MAML3: variants seen among roughly 807,000 people sequenced by gnomAD.
MAML3 encodes the protein mastermind like transcriptional coactivator 3.
A neutral mutation model predicts 101.9 loss-of-function variants in MAML3; 27 were observed. That is an observed-to-expected ratio of 0.27 (90% CI 0.20 to 0.37). The LOEUF (loss-of-function observed/expected upper bound fraction) is 0.37, where lower values mean the gene tolerates loss of function less well. Ranked by LOEUF, MAML3 falls within the 10% of genes least tolerant of loss-of-function variation. The pLI is 1.00. For missense variants in MAML3, 1,316 were observed against 1,444.9 expected (o/e 0.91, Z 1.45); for synonymous variants, 501 against 555.9 (o/e 0.90, Z 1.39).
At chr4:139,880,706 T>C (rs891583821) in intron 2 of MAML3, among the ~76,000 whole-genome samples, 1 of 152,188 alleles carries the variant, frequency 6.6e-6, no homozygotes, top group Non-Finnish European at 1.5e-5. Flanking sequence ...ACCCACTCTA[T>C]TGGAGCCAAA....
intron 1 of MAML3, among the ~76,000 whole-genome samples, chr4:140,114,257 C>T (rs1376054641): frequency 2.0e-5 from 3 of 152,306 alleles, no homozygotes; most frequent in Non-Finnish European, 2.9e-5. Context: ...TATCACATCA[C>T]GCTGTGGAAT....
chr4:140,085,730 A>T lies in MAML3; in HGVS notation c.468+67130T>A, dbSNP rs183439693. ...ATGCTTAACCCACGGGTACCTTTCA[A>T]TGTTCATGTATAATAAATACAGTTT... On this transcript the variant is annotated intron_variant, in intron 1 of 4. Transcript: ENST00000509479. 2.0e-3 allele frequency among the ~76,000 whole-genome samples: 304 copies of T among 152,294 alleles called. 2 individuals are homozygous for T. Among genetic ancestry groups the T allele is most frequent in the Middle Eastern group, 0.01 (3 of 294 alleles).
At chr4:139,995,044 C>T (rs946609128) in intron 1 of MAML3, among the ~76,000 whole-genome samples, 1 of 151,968 alleles carries the variant, frequency 6.6e-6, no homozygotes, top group Non-Finnish European at 1.5e-5. Context: ...TGTCCTTTAT[C>T]GGGATGAGGA....
intron 1 of MAML3, among the ~76,000 whole-genome samples, chr4:139,982,105 C>T (rs1046659451): frequency 3.3e-5 from 5 of 152,210 alleles, no homozygotes; most frequent in African/African-American, 7.2e-5. Context: ...AGATTCTACA[C>T]AAATTATTTG....
intron 1 of MAML3, among the ~76,000 whole-genome samples, chr4:139,973,424 AAAC>A (rs1734264868): frequency 1.3e-5 from 2 of 152,212 alleles, no homozygotes; most frequent in Non-Finnish European, 2.9e-5. Context: ...GCGAAGATTA[AAAC>A]ACTGGAAAGT....
intron 1 of MAML3, among the ~76,000 whole-genome samples, chr4:139,958,441 G>T (rs990539566): frequency 2.6e-5 from 4 of 152,184 alleles, no homozygotes; most frequent in African/African-American, 9.6e-5. Context: ...AGTCTAGCAG[G>T]AAAGATGAGA....
chr4:139,859,631 T>A (rs1294010693), intron 2 of MAML3, among the ~76,000 whole-genome samples: 1 of 152,184 alleles, frequency 6.6e-6, no homozygotes, highest in Admixed American at 6.5e-5. Flanking sequence ...ATCTACTAAG[T>A]GCTAGGAACT....
intron 1 of MAML3, among the ~76,000 whole-genome samples, chr4:139,960,502 C>T (rs934528430): frequency 1.3e-5 from 2 of 152,138 alleles, no homozygotes; most frequent in African/African-American, 2.4e-5. Flanking sequence ...CTGAGCCCAA[C>T]CTATGGAGAC....
At chr4:140,125,545 T>C (rs185187844) in intron 1 of MAML3, among the ~76,000 whole-genome samples, 252 of 152,384 alleles carry the variant, frequency 1.7e-3, no homozygotes, top group African/African-American at 5.5e-3. Flanking sequence ...GACACATATA[T>C]ACTTACTCAT....
intron 1 of MAML3, among the ~76,000 whole-genome samples, chr4:139,972,328 G>A (rs2082419062): frequency 6.6e-6 from 1 of 152,088 alleles, no homozygotes; most frequent in Admixed American, 6.6e-5. Flanking sequence ...CATTTCTAAG[G>A]TTTATTATAA....
intron 1 of MAML3, among the ~76,000 whole-genome samples, chr4:139,963,019 G>A (rs998193287): frequency 4.0e-5 from 6 of 151,806 alleles, no homozygotes; most frequent in Non-Finnish European, 5.9e-5. Context: ...TTATTTTTCC[G>A]TGTTTTAAAC....
At chr4:139,946,915 ACACACACACACT>A (rs1305313159) in intron 1 of MAML3, among the ~76,000 whole-genome samples, 29 of 123,110 alleles carry the variant, frequency 2.4e-4, no homozygotes, top group African/African-American at 8.0e-4. Context: ...ACACACACAC[ACACACACACACT>A]CTCTCTCTCT....
At chr4:139,927,072 C>CTTTTTTTTTTTTTTTTTTTTTTTTTTTTT (rs61573991) in intron 1 of MAML3, among the ~76,000 whole-genome samples, 1 of 134,732 alleles carries the variant, frequency 7.4e-6, no homozygotes. Context: ...TTTCTTTTTT[C>CTTTTTTTTTTTTTTTTTTTTTTTTTTTTT]TTTTTTTTTT....
intron 1 of MAML3, among the ~76,000 whole-genome samples, chr4:140,131,509 A>G (rs529727069): frequency 1.3e-5 from 2 of 152,380 alleles, no homozygotes; most frequent in East Asian, 3.9e-4. Flanking sequence ...GAAGGTAACA[A>G]GCCAGGAAGG....
intron 1 of MAML3, among the ~76,000 whole-genome samples, chr4:139,956,701 G>A (rs1028088249): frequency 4.6e-5 from 7 of 152,090 alleles, no homozygotes; most frequent in Non-Finnish European, 8.8e-5. Flanking sequence ...AGGAGAGGTC[G>A]TACCAATCTA....
At chr4:140,069,345 AAGGAGAAGGAGAAGG>A (rs780183983) in intron 1 of MAML3, among the ~76,000 whole-genome samples, 35 of 110,462 alleles carry the variant, frequency 3.2e-4, no homozygotes, top group Non-Finnish European at 5.3e-4. Flanking sequence ...GGAGAAGGAG[AAGGAGAAGGAGAAGG>A]AGAAGAAGAA....
At chr4:139,898,546 C>G (rs779927322) in intron 1 of MAML3, among the ~76,000 whole-genome samples, 2 of 152,230 alleles carry the variant, frequency 1.3e-5, no homozygotes, top group African/African-American at 4.8e-5. Context: ...GCAGCCTCTT[C>G]AACCAAAAGT....
At position 139,785,437 on chromosome 4, in the gene MAML3, G is replaced by A. The variant is rs757127464; in HGVS notation, c.2080-54770C>T. Among the ~76,000 whole-genome samples the A allele has an allele frequency of 6.6e-6, 1 of 152,244 alleles. No homozygotes were observed. Among genetic ancestry groups the A allele is most frequent in the Non-Finnish European group, 1.5e-5 (1 of 68,044 alleles). Reference sequence around the variant, plus strand: ...GTTCCCTATGCTTGCTCTGGGATCAGAGTGTTCTTGATGAGTGAATTGGGC... The same window carrying A: ...GTTCCCTATGCTTGCTCTGGGATCAAAGTGTTCTTGATGAGTGAATTGGGC... On this transcript the variant is annotated intron_variant, in intron 2 of 4. Coordinates refer to ENST00000509479, the MANE Select transcript of MAML3 (RefSeq NM_018717.5). This position sits in a 1 kb window ranked among gnomAD's most constrained non-coding sequence, Gnocchi z 4.3.
chr4:139,746,242 T>C (rs879234630), intron 2 of MAML3, among the ~76,000 whole-genome samples: 2 of 152,232 alleles, frequency 1.3e-5, no homozygotes, highest in Admixed American at 1.3e-4. Flanking sequence ...TGTATTCCAC[T>C]AACCTTTTAA....
Sources: gnomAD v4.1 joint callset for allele counts (sites outside exome capture counted in the v4.1 genomes callset) on GRCh38, gnomAD v4.1.1 for gene constraint, Gnocchi (gnomAD v3.1) non-coding constraint, MANE v1.5 for transcripts, NCBI Gene and HGNC (gene_info 2026-07-23, HGNC 2026-07-21) for gene names.